The following DUSP16 variants were observed in gnomAD, a reference collection of about 807,000 sequenced individuals.
DUSP16 encodes the protein dual specificity protein phosphatase 16.
A neutral mutation model predicts 58.3 loss-of-function variants in DUSP16; 21 were observed. The ratio of observed to expected loss-of-function variants is 0.36; its 90% CI spans 0.26 to 0.52. DUSP16 has a LOEUF of 0.52. DUSP16 is among the 20% of genes least tolerant of loss of function. The pLI is 0.94. For synonymous variants in DUSP16, 320 were observed against 323.8 expected (o/e 0.99, Z 0.12); for missense variants, 726 against 819.0 (o/e 0.89, Z 1.39).
At chr12:12,533,654 C>T (rs906373604) in intron 1 of DUSP16, among the ~76,000 whole-genome samples, 2 of 152,198 alleles carry the variant, frequency 1.3e-5, no homozygotes, top group Non-Finnish European at 2.9e-5. Flanking sequence ...TAGGCCTGCT[C>T]AGTTTCTTTG....
intron 1 of DUSP16, among the ~76,000 whole-genome samples, chr12:12,558,010 T>C (rs1944835496): frequency 6.6e-6 from 1 of 152,256 alleles, no homozygotes; most frequent in South Asian, 2.1e-4. Flanking sequence ...CTGAGCCCTC[T>C]TTCTCTTTTG....
chr12:12,473,320 C>T lies in DUSP16; in HGVS notation c.*3513G>A, dbSNP rs369122642. 8.5e-5 allele frequency among the ~76,000 whole-genome samples: 13 copies of T among 152,264 alleles called. No homozygotes were observed. Among genetic ancestry groups the T allele is most frequent in the Admixed American group, 7.8e-4 (12 of 15,300 alleles). On this transcript the variant is annotated 3_prime_UTR_variant, in exon 7 of 7. Coordinates refer to ENST00000298573, the MANE Select transcript of DUSP16 (RefSeq NM_030640.3). ...TCTAATTGTAGTTGTCACATCCAAACCAGTCCTCCAACAATAGCCTGCTGA... is the reference window on the plus strand; with the variant it reads ...TCTAATTGTAGTTGTCACATCCAAATCAGTCCTCCAACAATAGCCTGCTGA...
intron 5 of DUSP16, among the ~76,000 whole-genome samples, chr12:12,482,600 A>C (rs751584995): frequency 1.3e-5 from 2 of 152,222 alleles, no homozygotes; most frequent in Non-Finnish European, 2.9e-5. Flanking sequence ...AGTGGGACTG[A>C]GCAAAGTGCT....
intron 3 of DUSP16, among the ~76,000 whole-genome samples, chr12:12,508,936 T>A (rs1944036344): frequency 6.6e-6 from 1 of 152,212 alleles, no homozygotes; most frequent in South Asian, 2.1e-4. Flanking sequence ...AATGTCCAGA[T>A]CTTATAACTC....
At chr12:12,529,684 T>TC (rs1272352731) in intron 1 of DUSP16, among the ~76,000 whole-genome samples, 1 of 152,136 alleles carries the variant, frequency 6.6e-6, no homozygotes, top group Non-Finnish European at 1.5e-5. Flanking sequence ...TCCCCAGGCT[T>TC]CCCCTCCCCA....
intron 3 of DUSP16, among the ~76,000 whole-genome samples, chr12:12,508,665 T>C (rs1335728038): frequency 1.3e-5 from 2 of 152,196 alleles, no homozygotes; most frequent in African/African-American, 2.4e-5. Context: ...TCAGGAAGGC[T>C]GACAAGTAGC....
chr12:12,498,961 C>G (rs1943872100), intron 4 of DUSP16, among the ~76,000 whole-genome samples: 1 of 152,060 alleles, frequency 6.6e-6, no homozygotes, highest in Admixed American at 6.6e-5. Context: ...TGTTTAGAAG[C>G]CAGAGTTAAA....
chr12:12,532,939 ACT>A (rs776935600), intron 1 of DUSP16, among the ~76,000 whole-genome samples: 2 of 136,094 alleles, frequency 1.5e-5, no homozygotes, highest in African/African-American at 5.7e-5. Context: ...CGAGAGCGAA[ACT>A]CTGTCTCAAA....
chr12:12,502,967 G>A (rs1037560002), intron 3 of DUSP16, among the ~76,000 whole-genome samples: 34 of 152,044 alleles, frequency 2.2e-4, no homozygotes, highest in African/African-American at 8.2e-4. Context: ...TACACATGTG[G>A]GCAAGCCCCA....
chr12:12,551,685 G>T (rs1461867073), intron 1 of DUSP16, among the ~76,000 whole-genome samples: 2 of 144,150 alleles, frequency 1.4e-5, no homozygotes, highest in Non-Finnish European at 3.0e-5. Context: ...GCAGAACTTA[G>T]TAAACCTTTT....
intron 1 of DUSP16, among the ~76,000 whole-genome samples, chr12:12,535,769 A>G (rs1003055517): frequency 6.6e-6 from 1 of 152,246 alleles, no homozygotes; most frequent in Non-Finnish European, 1.5e-5. Flanking sequence ...GAAAAATGTA[A>G]ATTTCAAAGA....
At chr12:12,492,428 C>T (rs1382301472) in intron 4 of DUSP16, among the ~76,000 whole-genome samples, 2 of 152,186 alleles carry the variant, frequency 1.3e-5, no homozygotes, top group South Asian at 2.1e-4. Context: ...CTGTTTTGGG[C>T]GAACTGTCCA....
chr12:12,535,470 C>T (rs981621260), intron 1 of DUSP16, among the ~76,000 whole-genome samples: 3 of 152,062 alleles, frequency 2.0e-5, no homozygotes, highest in Non-Finnish European at 2.9e-5. Flanking sequence ...TTACACAGTA[C>T]TATACTTGGC....
In DUSP16 at chr12:12,477,317, C is replaced by G; in HGVS notation, c.1514G>C (p.Arg505Pro). 1.2e-6 allele frequency: 2 copies of G among 1,614,214 alleles called. No homozygotes were observed. Among genetic ancestry groups the G allele is most frequent in the South Asian group, 2.2e-5 (2 of 91,086 alleles). The change falls in exon 7 of 7, where the codon CGA (arginine) becomes CCA (proline). Residue 505 changes from arginine (R) to proline (P), a missense_variant. Transcript: ENST00000298573. The surrounding 1 kb of genome is among the most constrained non-coding windows in gnomAD (Gnocchi z 4.1). ...GTAATTGTCCTCCACGCTCCCACTT[C>G]GATGCAGTGGAGATAAAAGGGACCT... ...AQRSLLSPLH[R>P]SGSVEDNYHT...
Position 12,521,420 on chromosome 12 carries a change from A to C in DUSP16, c.-322T>G. 3 of 1,196,002 alleles carry C rather than the reference A, an allele frequency of 2.5e-6. No individual in the cohort carries two copies. Among genetic ancestry groups the C allele is most frequent in the Non-Finnish European group, 3.1e-6 (3 of 956,498 alleles). The allele number at this position is 1,196,002 out of a possible 1,614,324, so 74.1% of individuals were successfully genotyped here. ...CAGCCAGCGCATTACATCATTCTTT[A>C]CCTTTGCTCCCGCGCTCCAACAGCT... On this transcript the variant is annotated 5_prime_UTR_variant, in exon 2 of 7. Transcript: ENST00000298573.
intron 1 of DUSP16, among the ~76,000 whole-genome samples, chr12:12,548,838 T>C (rs1255355408): frequency 6.6e-6 from 1 of 151,902 alleles, no homozygotes; most frequent in Non-Finnish European, 1.5e-5. Flanking sequence ...GCAGGGCAGG[T>C]CTGCAATCGT....
At chr12:12,539,454 A>C (rs979486154) in intron 1 of DUSP16, among the ~76,000 whole-genome samples, 1 of 152,166 alleles carries the variant, frequency 6.6e-6, no homozygotes, top group Non-Finnish European at 1.5e-5. Flanking sequence ...AAAAATCTAC[A>C]AATGTTTAGG....
At chr12:12,532,921 C>G (rs888622683) in intron 1 of DUSP16, among the ~76,000 whole-genome samples, 4 of 146,004 alleles carry the variant, frequency 2.7e-5, no homozygotes, top group Non-Finnish European at 5.9e-5. Flanking sequence ...GCACTCCAGC[C>G]TGGGGGACGA....
At chr12:12,547,365 G>A (rs1251714182) in intron 1 of DUSP16, among the ~76,000 whole-genome samples, 2 of 151,118 alleles carry the variant, frequency 1.3e-5, no homozygotes, top group Non-Finnish European at 2.9e-5. Flanking sequence ...GGTGGAGGTT[G>A]CAGTGAGCCG....
Sources: allele counts gnomAD v4.1 joint callset (sites outside exome capture counted in the v4.1 genomes callset), GRCh38; gene constraint gnomAD v4.1.1; non-coding constraint Gnocchi (gnomAD v3.1); transcripts MANE v1.5; gene names NCBI Gene and HGNC (gene_info 2026-07-23, HGNC 2026-07-21).